The following EPB41L1 variants were observed in gnomAD, a reference collection of about 807,000 sequenced individuals.
EPB41L1 encodes the protein erythrocyte membrane protein band 4.1 like 1, also known as band 4.1-like protein 1.
In EPB41L1, 29 loss-of-function variants were observed where a neutral mutation model predicts 97.8. The observed-to-expected ratio is 0.30, with a 90% CI of 0.22 to 0.40. The LOEUF (loss-of-function observed/expected upper bound fraction) is 0.40, where lower values mean the gene tolerates loss of function less well. Ranked by LOEUF, EPB41L1 falls within the 10% of genes least tolerant of loss-of-function variation. The probability of loss-of-function intolerance (pLI) is 1.00; values close to 1 mark genes in which losing one functional copy is unlikely to be tolerated. For missense variants in EPB41L1, 812 were observed against 1,162.3 expected (o/e 0.70, Z 4.38); for synonymous variants, 383 against 459.2 (o/e 0.83, Z 2.12).
At chr20:36,167,130 A>G (rs571280422) in intron 1 of EPB41L1, among the ~76,000 whole-genome samples, 78 of 152,318 alleles carry the variant, frequency 5.1e-4, no homozygotes, top group African/African-American at 1.8e-3. Context: ...GTCAAGGGGC[A>G]CACAGATTCA....
chr20:36,172,994 A>G (rs1156329572), intron 1 of EPB41L1, among the ~76,000 whole-genome samples: 5 of 152,178 alleles, frequency 3.3e-5, no homozygotes, highest in African/African-American at 9.7e-5. Flanking sequence ...TAGCTGGGCA[A>G]TGGGTCCTTG....
chr20:36,204,156 G>T (rs2062660408), intron 14 of EPB41L1, among the ~76,000 whole-genome samples: 1 of 152,146 alleles, frequency 6.6e-6, no homozygotes, highest in Non-Finnish European at 1.5e-5. Context: ...TGGGCAAGAT[G>T]CTTCTCCAGG....
chr20:36,101,324 C>T (rs1484328177), intron 1 of EPB41L1, among the ~76,000 whole-genome samples: 3 of 152,178 alleles, frequency 2.0e-5, no homozygotes, highest in East Asian at 1.9e-4. Context: ...ATGTGCAGCC[C>T]GGGAGTCCAG....
intron 2 of EPB41L1, among the ~76,000 whole-genome samples, chr20:36,144,245 A>C (rs2059754298): frequency 6.6e-6 from 1 of 152,186 alleles, no homozygotes; most frequent in South Asian, 2.1e-4. Flanking sequence ...CCAAGATCTC[A>C]CAGCAAAGGT....
chr20:36,207,043 C>T lies in EPB41L1; in HGVS notation c.1669-2445C>T, dbSNP rs376365119. 561 of 1,289,664 alleles carry T rather than the reference C, an allele frequency of 4.3e-4. No individual in the cohort carries two copies. Among genetic ancestry groups the T allele is most frequent in the Non-Finnish European group, 5.5e-4 (539 of 988,862 alleles). The allele number at this position is 1,289,664 out of a possible 1,614,324, so 79.9% of individuals were successfully genotyped here. On this transcript the variant is annotated intron_variant, in intron 14 of 21. Transcript: ENST00000338074. The surrounding 1 kb of genome is among the most constrained non-coding windows in gnomAD (Gnocchi z 4.9). ...GAAAGGAGGGGCTGAGCTGAAGGAC[C>T]GCGAGGCTTCAGCATTTCTTCACAT...
chr20:36,135,342 G>T (rs1366955718), intron 2 of EPB41L1, among the ~76,000 whole-genome samples: 1 of 152,170 alleles, frequency 6.6e-6, no homozygotes, highest in South Asian at 2.1e-4. Flanking sequence ...GATAGAGGGG[G>T]ATTTGGGATT....
Position 36,206,658 on chromosome 20 carries a change from G to A in EPB41L1, c.1669-2830G>A. On this transcript the variant is annotated intron_variant, in intron 14 of 21. Coordinates refer to ENST00000338074, the MANE Select transcript of EPB41L1 (RefSeq NM_012156.2). The surrounding 1 kb of genome is among the most constrained non-coding windows in gnomAD (Gnocchi z 5.5). The stretch of plus-strand genomic sequence containing the variant: ...ACGAAGCCCACATGACTTCCCCAAA[G>A]GAAGGGGCAGGGACCCCCAAGAACC... The A allele has an allele frequency of 7.8e-7, 1 of 1,289,818 alleles. No individual in the cohort carries two copies. The highest frequency in any genetic ancestry group is 1.0e-6 in the Non-Finnish European group (1 of 988,870). The allele number at this position is 1,289,818 out of a possible 1,614,324, so 79.9% of individuals were successfully genotyped here. A position where few individuals can be genotyped will look rare whatever the true frequency, so the allele number is the denominator to read the frequency against.
At chr20:36,102,006 A>AAAAACAAAAC (rs202030350) in intron 1 of EPB41L1, among the ~76,000 whole-genome samples, 18,255 of 137,516 alleles carry the variant, frequency 0.13, 2,465 homozygotes, top group African/African-American at 0.36. Flanking sequence ...CTCTGTCTCA[A>AAAAACAAAAC]AAAACAAAAC....
At chr20:36,221,979 T>C (rs745942025) in intron 20 of EPB41L1, 35 bp downstream of exon 20, 66 of 1,602,362 alleles carry the variant, frequency 4.1e-5, no homozygotes, top group Non-Finnish European at 5.4e-5. Context: ...CCAGTGCCAC[T>C]GCCCAGTCCT....
chr20:36,115,827 G>A (rs1353306624), intron 2 of EPB41L1, among the ~76,000 whole-genome samples: 1 of 152,162 alleles, frequency 6.6e-6, no homozygotes, highest in African/African-American at 2.4e-5. Flanking sequence ...GGGAGGTGGA[G>A]GTTGCAGTGA....
intron 1 of EPB41L1, among the ~76,000 whole-genome samples, chr20:36,100,736 G>A (rs1306769754): frequency 3.3e-5 from 5 of 152,178 alleles, no homozygotes; most frequent in East Asian, 1.9e-4. Flanking sequence ...CAGAGCCTGC[G>A]GGAGCATTTA....
chr20:36,196,147 G>A (rs2062190751), intron 13 of EPB41L1, among the ~76,000 whole-genome samples: 1 of 152,168 alleles, frequency 6.6e-6, no homozygotes, highest in Non-Finnish European at 1.5e-5. Flanking sequence ...CAGAGACTGG[G>A]ACATAAGAAG....
chr20:36,209,345 G>A lies in EPB41L1; in HGVS notation c.1669-143G>A. On this transcript the variant is annotated intron_variant, in intron 14 of 21. Coordinates refer to ENST00000338074, the MANE Select transcript of EPB41L1 (RefSeq NM_012156.2). The surrounding 1 kb of genome is among the most constrained non-coding windows in gnomAD (Gnocchi z 4.2). Reference sequence around the variant, plus strand: ...ATGATTTCAAGGAACCTTTCCTGGGGTGTTTTTCATTTCCTGGCCTGCTCT... The same window carrying A: ...ATGATTTCAAGGAACCTTTCCTGGGATGTTTTTCATTTCCTGGCCTGCTCT... The A allele has an allele frequency of 1.1e-6, 1 of 889,260 alleles. No individual in the cohort carries two copies. The highest frequency in any genetic ancestry group is 1.7e-6 in the Non-Finnish European group (1 of 591,104). The allele number at this position is 889,260 out of a possible 1,614,324, so 55.1% of individuals were successfully genotyped here. A position where few individuals can be genotyped will look rare whatever the true frequency, so the allele number is the denominator to read the frequency against.
At chr20:36,182,134 A>G (rs1273615456) in intron 5 of EPB41L1, 138 bp from the exon 6 acceptor site, 1 of 773,982 alleles carries the variant, frequency 1.3e-6, no homozygotes, top group Non-Finnish European at 2.3e-6. Flanking sequence ...AAATGGGAAT[A>G]ATGTTCCAGC....
chr20:36,215,052 C>T (rs2063361519), intron 17 of EPB41L1, among the ~76,000 whole-genome samples: 1 of 150,474 alleles, frequency 6.6e-6, no homozygotes, highest in African/African-American at 2.5e-5. Flanking sequence ...CCCGGCAACA[C>T]TAGATCCCTT....
intron 1 of EPB41L1, among the ~76,000 whole-genome samples, chr20:36,166,823 C>A (rs2145757947): frequency 6.6e-6 from 1 of 152,186 alleles, no homozygotes; most frequent in African/African-American, 2.4e-5. Flanking sequence ...TGAGATCATG[C>A]CACTGCACTC....
Position 36,207,656 on chromosome 20 carries a change from C to T in EPB41L1, c.1669-1832C>T. ...AAAGCCACACATTCCACAGTGATAC[C>T]TCTGGCTACCAGACACTTCAGGGAG... is the stretch of plus-strand genomic sequence containing the variant. On this transcript the variant is annotated intron_variant, in intron 14 of 21. Coordinates refer to ENST00000338074, the MANE Select transcript of EPB41L1 (RefSeq NM_012156.2). This position sits in a 1 kb window ranked among gnomAD's most constrained non-coding sequence, Gnocchi z 4.9. 7.8e-7 allele frequency: 1 copy of T among 1,290,200 alleles called. No homozygotes were observed. The highest frequency in any genetic ancestry group is 1.0e-6 in the Non-Finnish European group (1 of 988,952). The allele number at this position is 1,290,200 out of a possible 1,614,324, so 79.9% of individuals were successfully genotyped here.
intron 14 of EPB41L1, chr20:36,200,765 G>A (rs1247811141): frequency 7.4e-6 from 3 of 405,138 alleles, no homozygotes; most frequent in Non-Finnish European, 1.5e-5. Context: ...TGGACTTTGT[G>A]TGTGTGTCTC....
intron 2 of EPB41L1, among the ~76,000 whole-genome samples, chr20:36,144,352 C>T (rs2059758758): frequency 6.6e-6 from 1 of 152,176 alleles, no homozygotes; most frequent in South Asian, 2.1e-4. Context: ...TAGCTACCTA[C>T]AGTAGGCAGG....
Sources: gnomAD v4.1 joint callset for allele counts (sites outside exome capture counted in the v4.1 genomes callset) on GRCh38, gnomAD v4.1.1 for gene constraint, Gnocchi (gnomAD v3.1) non-coding constraint, MANE v1.5 for transcripts, NCBI Gene and HGNC (gene_info 2026-07-23, HGNC 2026-07-21) for gene names.